Variants in GULP1 observed in about 807,000 individuals in gnomAD.
The protein encoded by GULP1 is PTB domain-containing engulfment adapter protein 1.
In GULP1, 19 loss-of-function variants were observed where a neutral mutation model predicts 40.9. The observed-to-expected ratio is 0.46, with a 90% confidence interval of 0.32 to 0.68. The LOEUF (loss-of-function observed/expected upper bound fraction) is 0.68. GULP1 is among the 30% of genes least tolerant of loss of function. The pLI is 0.03. For missense variants in GULP1, 312 were observed against 362.2 expected (o/e 0.86, Z 1.12); for synonymous variants, 119 against 117.6 (o/e 1.01, Z -0.08).
At chr2:188,343,304 A>T (rs2043202837) in intron 1 of GULP1, among the ~76,000 whole-genome samples, 1 of 152,214 alleles carries the variant, frequency 6.6e-6, no homozygotes, top group African/African-American at 2.4e-5. Flanking sequence ...AAAAATAAGA[A>T]AACCAAGAAG....
At chr2:188,584,817 A>G (rs1702027188) in intron 10 of GULP1, among the ~76,000 whole-genome samples, 1 of 152,068 alleles carries the variant, frequency 6.6e-6, no homozygotes, top group Non-Finnish European at 1.5e-5. Flanking sequence ...TTGTTAAAAA[A>G]TATATAAATT....
intron 4 of GULP1, among the ~76,000 whole-genome samples, chr2:188,509,029 T>C (rs896269115): frequency 1.3e-5 from 2 of 152,084 alleles, no homozygotes; most frequent in African/African-American, 2.4e-5. Context: ...TCCACGTGAC[T>C]GTCACTCTGA....
intron 1 of GULP1, among the ~76,000 whole-genome samples, chr2:188,346,197 G>A (rs758568014): frequency 5.9e-5 from 9 of 152,182 alleles, no homozygotes; most frequent in Non-Finnish European, 1.2e-4. Flanking sequence ...CTATTAAGAT[G>A]ATATGGCTTA....
chr2:188,485,086 G>C (rs2061750241), intron 4 of GULP1, among the ~76,000 whole-genome samples: 1 of 152,012 alleles, frequency 6.6e-6, no homozygotes, highest in Non-Finnish European at 1.5e-5. Context: ...TAAAATGCAT[G>C]CTCAATTTTT....
At chr2:188,294,613 C>G (rs563344039) in intron 1 of GULP1, among the ~76,000 whole-genome samples, 1 of 151,868 alleles carries the variant, frequency 6.6e-6, no homozygotes, top group South Asian at 2.1e-4. Flanking sequence ...AACAAACAAA[C>G]TAATGTGGTT....
chr2:188,470,925 A>AT (rs2060536069), intron 2 of GULP1, among the ~76,000 whole-genome samples: 1 of 152,126 alleles, frequency 6.6e-6, no homozygotes, highest in African/African-American at 2.4e-5. Flanking sequence ...TGTTACCTCC[A>AT]TTTTGTCTAG....
chr2:188,517,985 G>A (rs1211215614), intron 4 of GULP1, among the ~76,000 whole-genome samples: 3 of 151,928 alleles, frequency 2.0e-5, no homozygotes, highest in Non-Finnish European at 4.4e-5. Context: ...CCCTGGTCAC[G>A]GCATGATTCC....
At chr2:188,365,569 G>A (rs2046673910) in intron 1 of GULP1, among the ~76,000 whole-genome samples, 1 of 152,174 alleles carries the variant, frequency 6.6e-6, no homozygotes, top group Non-Finnish European at 1.5e-5. Context: ...GATAATTGTT[G>A]ATTGAACATT....
chr2:188,394,824 G>T (rs1177379872), intron 2 of GULP1, among the ~76,000 whole-genome samples: 2 of 152,172 alleles, frequency 1.3e-5, no homozygotes, highest in African/African-American at 4.8e-5. Context: ...GTTATAGAGG[G>T]TGTTTGTATG....
intron 2 of GULP1, among the ~76,000 whole-genome samples, chr2:188,408,961 A>G (rs1232635790): frequency 6.6e-6 from 1 of 152,228 alleles, no homozygotes; most frequent in Non-Finnish European, 1.5e-5. Flanking sequence ...TGGAAGCACA[A>G]TATACCAAAA....
At chr2:188,336,562 GC>G (rs1197678107) in intron 1 of GULP1, among the ~76,000 whole-genome samples, 1 of 152,186 alleles carries the variant, frequency 6.6e-6, no homozygotes, top group Non-Finnish European at 1.5e-5. Context: ...ACATCATGAA[GC>G]AGATAAATGG....
At chr2:188,525,729 C>A (rs953769665) in intron 5 of GULP1, among the ~76,000 whole-genome samples, 1 of 152,106 alleles carries the variant, frequency 6.6e-6, no homozygotes, top group African/African-American at 2.4e-5. Flanking sequence ...TAAAGTTACA[C>A]GAAATTACTG....
At chr2:188,397,457 A>G (rs1432204811) in intron 2 of GULP1, among the ~76,000 whole-genome samples, 2 of 152,222 alleles carry the variant, frequency 1.3e-5, no homozygotes, top group African/African-American at 2.4e-5. Context: ...GGACTGGGTC[A>G]TTATTTATAA....
chr2:188,406,751 AGT>A (rs899299869), intron 2 of GULP1, among the ~76,000 whole-genome samples: 3 of 152,124 alleles, frequency 2.0e-5, no homozygotes, highest in African/African-American at 7.2e-5. Flanking sequence ...CAAATGTTCA[AGT>A]TATCAGAGTT....
At chr2:188,584,154 T>C in intron 9 of GULP1, 111 bp from the exon 10 acceptor site, 5 of 713,584 alleles carry the variant, frequency 7.0e-6, no homozygotes, top group Middle Eastern at 5.3e-4. Context: ...GGCAAATTCT[T>C]ATGATGCAAC....
At chr2:188,576,858 T>G (rs943781243) in intron 9 of GULP1, among the ~76,000 whole-genome samples, 2 of 152,110 alleles carry the variant, frequency 1.3e-5, no homozygotes, top group African/African-American at 4.8e-5. Flanking sequence ...TTTCCACCAT[T>G]TGGTACTAAT....
At chr2:188,436,124 C>A (rs1414979698) in intron 2 of GULP1, among the ~76,000 whole-genome samples, 2 of 151,980 alleles carry the variant, frequency 1.3e-5, no homozygotes, top group African/African-American at 2.4e-5. Context: ...AGAGATTGTA[C>A]AGGGTGTGTA....
rs771230326 is a variant in GULP1 at position 188,541,166 on chromosome 2, C to T, written c.262-15C>T. 5.6e-6 allele frequency: 9 copies of T among 1,606,852 alleles called. No individual in the cohort carries two copies. The Admixed American group carries it at 1.3e-4, about 24-fold the overall frequency. The stretch of plus-strand genomic sequence containing the variant: ...GAATCCCATCAACTATGTTTATTTC[C>T]ATCTGTGTTCACAGGAAGTTCAACA... On this transcript the variant is annotated splice_polypyrimidine_tract_variant and intron_variant, in intron 6 of 11. Coordinates refer to ENST00000409830, the MANE Select transcript of GULP1 (RefSeq NM_016315.4).
intron 7 of GULP1, among the ~76,000 whole-genome samples, chr2:188,561,798 G>A (rs1696358349): frequency 6.6e-6 from 1 of 152,126 alleles, no homozygotes; most frequent in Non-Finnish European, 1.5e-5. Flanking sequence ...TCATTCTCAT[G>A]GCCCAGTCCT....
Sources: gnomAD v4.1 joint callset for allele counts (sites outside exome capture counted in the v4.1 genomes callset) on GRCh38, gnomAD v4.1.1 for gene constraint, MANE v1.5 for transcripts, NCBI Gene and HGNC (gene_info 2026-07-23, HGNC 2026-07-21) for gene names.